The following HDAC11 variants were observed in gnomAD, a reference collection of about 807,000 sequenced individuals.
The protein encoded by HDAC11 is histone deacetylase 11.
In HDAC11, 23 loss-of-function variants were observed where a neutral mutation model predicts 41.1. That is an observed-to-expected ratio of 0.56 (90% CI 0.40 to 0.79). The LOEUF (loss-of-function observed/expected upper bound fraction) is 0.79, where lower values mean the gene tolerates loss of function less well. Among genes scored for constraint, HDAC11 ranks in the 30% least tolerant of loss-of-function variants. The pLI is 0.00. For synonymous variants in HDAC11, 187 were observed against 186.6 expected (o/e 1.00, Z -0.02); for missense variants, 402 against 477.3 (o/e 0.84, Z 1.47).
intron 3 of HDAC11, among the ~76,000 whole-genome samples, chr3:13,491,693 C>T (rs1172538770): frequency 6.6e-6 from 1 of 152,228 alleles, no homozygotes; most frequent in Non-Finnish European, 1.5e-5. Context: ...CAGCCCCAGT[C>T]ATGTCCTGCT....
intron 3 of HDAC11, among the ~76,000 whole-genome samples, chr3:13,494,748 C>T (rs534302591): frequency 6.6e-6 from 1 of 152,338 alleles, no homozygotes; most frequent in East Asian, 1.9e-4. Flanking sequence ...CCGGCCTGGG[C>T]TGGTGGCCAT....
intron 4 of HDAC11, 100 bp downstream of exon 4, chr3:13,496,952 TG>T: frequency 1.8e-6 from 1 of 563,634 alleles, no homozygotes; most frequent in Non-Finnish European, 3.1e-6. Flanking sequence ...ACTTAGTAGT[TG>T]AACAGAATCC....
chr3:13,495,997 T>C (rs948091608), intron 3 of HDAC11, among the ~76,000 whole-genome samples: 5 of 152,214 alleles, frequency 3.3e-5, no homozygotes, highest in African/African-American at 1.2e-4. Flanking sequence ...ATTTACAAAG[T>C]GAGTGGCTCT....
chr3:13,500,872 C>T (rs550493153), intron 6 of HDAC11, 83 bp downstream of exon 6: 1 of 1,084,720 alleles, frequency 9.2e-7, no homozygotes, highest in Admixed American at 3.0e-5. Flanking sequence ...TGTTCTCACC[C>T]TGAATTATAG....
intron 2 of HDAC11, among the ~76,000 whole-genome samples, chr3:13,483,054 A>G (rs1226072284): frequency 2.1e-5 from 3 of 143,104 alleles, no homozygotes; most frequent in Non-Finnish European, 4.5e-5. Context: ...CCTGGCCAAG[A>G]CCCTGTCTCT....
At position 13,483,575 on chromosome 3, in the gene HDAC11, TCGGGCCTGGGGGGCTG is replaced by T. The variant is rs750745858; in HGVS notation, c.252+23_252+38del. 5.3e-6 allele frequency: 8 copies of T among 1,515,016 alleles called. No individual in the cohort carries two copies. The Admixed American group carries it at 6.8e-5, about 13-fold the overall frequency. The allele number at this position is 1,515,016 out of a possible 1,614,324, so 93.8% of individuals were successfully genotyped here. ...CTTAATGAGCTCAAGGTACAGGATG[TCGGGCCTGGGGGGCTG>T]CGGGCCTGGGGCAGGGGGCTGCTGG... On this transcript the variant is annotated intron_variant, in intron 3 of 9. Transcript: ENST00000295757.
chr3:13,485,787 A>G (rs1701532757), intron 3 of HDAC11, among the ~76,000 whole-genome samples: 1 of 150,772 alleles, frequency 6.6e-6, no homozygotes, highest in South Asian at 2.1e-4. Context: ...TGTCTCTTAA[A>G]AAAAATAATA....
intron 3 of HDAC11, among the ~76,000 whole-genome samples, chr3:13,491,098 G>C (rs1157824841): frequency 1.3e-5 from 2 of 150,952 alleles, no homozygotes; most frequent in African/African-American, 4.9e-5. Context: ...GTGTGTGTGT[G>C]TGTGTGTGTG....
intron 3 of HDAC11, among the ~76,000 whole-genome samples, chr3:13,485,173 G>A (rs796839596): frequency 1.1e-4 from 16 of 152,354 alleles, no homozygotes; most frequent in African/African-American, 3.6e-4. Context: ...TCCCAGTCAG[G>A]GCTGCTGCCT....
chr3:13,483,443 A>T lies in HDAC11; in HGVS notation c.152-21A>T, dbSNP rs374329777. Reference sequence around the variant, plus strand: ...GCCTTGAGGTCAGTGGGGAAGCAGGATGCTCCCTCTGTGGTTTCAGAAGAG... The same window carrying T: ...GCCTTGAGGTCAGTGGGGAAGCAGGTTGCTCCCTCTGTGGTTTCAGAAGAG... On this transcript the variant is annotated intron_variant, in intron 2 of 9. Coordinates refer to ENST00000295757, the MANE Select transcript of HDAC11 (RefSeq NM_024827.4). 4.4e-6 allele frequency: 7 copies of T among 1,608,058 alleles called. No individual in the cohort carries two copies. In the African/African-American group the frequency reaches 8.0e-5, roughly 18 times the overall value.
rs76539106 is a variant in HDAC11, at chr3:13,500,634, G to T, written c.413-79G>T. 654 of 1,124,420 alleles carry T rather than the reference G, an allele frequency of 5.8e-4. 6 individuals are homozygous for T. The East Asian group carries it at 0.014, about 23-fold the overall frequency. 69.7% of individuals were successfully genotyped at this position (1,124,420 alleles called of 1,614,324 possible). A position where few individuals can be genotyped will look rare whatever the true frequency, so the allele number is the denominator to read the frequency against. ...GAGCTGAGCAGGGAGGATGCTGGGG[G>T]AGGTGAAGGGATGGAGGAGCTCCTG... is the stretch of plus-strand genomic sequence containing the variant. On this transcript the variant is annotated intron_variant, in intron 5 of 9. Transcript: ENST00000295757.
chr3:13,488,299 A>G (rs1055293407), intron 3 of HDAC11, among the ~76,000 whole-genome samples: 3 of 152,122 alleles, frequency 2.0e-5, no homozygotes, highest in African/African-American at 7.2e-5. Context: ...GCCATTAACC[A>G]CTTTAAACTG....
chr3:13,488,908 G>A (rs1339980014), intron 3 of HDAC11, among the ~76,000 whole-genome samples: 2 of 150,768 alleles, frequency 1.3e-5, no homozygotes, highest in African/African-American at 2.5e-5. Context: ...TTCAATGCTT[G>A]TTATTTTCTG....
intron 3 of HDAC11, among the ~76,000 whole-genome samples, chr3:13,490,747 T>C (rs1332319434): frequency 1.6e-5 from 2 of 125,450 alleles, no homozygotes; most frequent in Non-Finnish European, 3.3e-5. Context: ...TTTTTTTCTT[T>C]TTTTTTTTTT....
intron 3 of HDAC11, among the ~76,000 whole-genome samples, chr3:13,493,785 G>A (rs1701970347): frequency 1.3e-5 from 2 of 152,208 alleles, no homozygotes; most frequent in South Asian, 4.1e-4. Flanking sequence ...TGTGGGGGCT[G>A]GTCCTGCTGG....
rs978111465 is a variant in HDAC11, at chr3:13,498,672, T to A, written c.412+117T>A. ...GTGGCAGCTGTGAATTCAGAAGCTC[T>A]GGTTTTCCCAAGTCACCCTAGCCTC... On this transcript the variant is annotated intron_variant, in intron 5 of 9. Coordinates refer to ENST00000295757, the MANE Select transcript of HDAC11 (RefSeq NM_024827.4). The A allele has an allele frequency of 1.0e-5, 12 of 1,164,964 alleles. 1 individual carries two copies. In the Admixed American group the frequency reaches 2.0e-4, roughly 20 times the overall value. The allele number at this position is 1,164,964 out of a possible 1,614,324, so 72.2% of individuals were successfully genotyped here.
At chr3:13,499,024 G>T (rs550830087) in intron 5 of HDAC11, among the ~76,000 whole-genome samples, 158 of 152,200 alleles carry the variant, frequency 1.0e-3, no homozygotes, top group African/African-American at 3.1e-3. Flanking sequence ...CTTCTCAAGG[G>T]TCCAGAGGGC....
In HDAC11 at chr3:13,505,066, A is replaced by C; in HGVS notation, c.*383A>C. 1 of 287,076 alleles carries C rather than the reference A, an allele frequency of 3.5e-6. No homozygotes were observed. The highest frequency in any genetic ancestry group is 6.8e-6 in the Non-Finnish European group (1 of 147,090). The allele number at this position is 287,076 out of a possible 1,614,324, so 17.8% of individuals were successfully genotyped here. On this transcript the variant is annotated 3_prime_UTR_variant, in exon 10 of 10. Transcript: ENST00000295757. ...CCCAGGTCGGAGTGAGGAAGCTTCC[A>C]CCTCCATCCTGACTAGGCCTGCATC... is the stretch of plus-strand genomic sequence containing the variant.
chr3:13,483,806 G>A (rs1207883962), intron 3 of HDAC11, among the ~76,000 whole-genome samples: 1 of 152,130 alleles, frequency 6.6e-6, no homozygotes, highest in Non-Finnish European at 1.5e-5. Context: ...CTTCTCCAGG[G>A]CGTATGAAAG....
Sources: allele counts gnomAD v4.1 joint callset (sites outside exome capture counted in the v4.1 genomes callset), GRCh38; gene constraint gnomAD v4.1.1; transcripts MANE v1.5; gene names NCBI Gene and HGNC (gene_info 2026-07-23, HGNC 2026-07-21).